EIF4G3: variants seen among roughly 807,000 people sequenced by gnomAD.
The protein encoded by EIF4G3 is eukaryotic translation initiation factor 4 gamma 3.
In EIF4G3, 34 loss-of-function variants were observed where a neutral mutation model predicts 186.4. That is an observed-to-expected ratio of 0.18 (90% CI 0.14 to 0.24). The LOEUF (loss-of-function observed/expected upper bound fraction) is 0.24. EIF4G3 is among the 10% of genes least tolerant of loss of function. The pLI, the probability that EIF4G3 is intolerant of heterozygous loss-of-function variation, is 1.00. For synonymous variants in EIF4G3, 673 were observed against 679.5 expected, an observed-to-expected ratio of 0.99 and a Z score of 0.15; for missense variants, 1,536 against 1,948.5, an observed-to-expected ratio of 0.79 and a Z score of 3.99.
intron 14 of EIF4G3, among the ~76,000 whole-genome samples, chr1:20,924,397 G>A (rs1390305941): frequency 2.0e-5 from 3 of 152,126 alleles, no homozygotes; most frequent in Non-Finnish European, 4.4e-5. Flanking sequence ...AAATATTTCT[G>A]TTCTCCGCAT....
intron 2 of EIF4G3, among the ~76,000 whole-genome samples, chr1:21,161,206 T>C (rs1031927779): frequency 4.0e-5 from 6 of 148,946 alleles, no homozygotes; most frequent in African/African-American, 1.2e-4. Flanking sequence ...TGAGCGTTGG[T>C]TGAAAAACAA....
At chr1:20,960,006 G>T (rs888449471) in intron 12 of EIF4G3, among the ~76,000 whole-genome samples, 1 of 152,060 alleles carries the variant, frequency 6.6e-6, no homozygotes, top group South Asian at 2.1e-4. Flanking sequence ...GCTAAAAGTA[G>T]ATCTACCATT....
At chr1:21,092,095 T>G (rs2096224250) in intron 2 of EIF4G3, among the ~76,000 whole-genome samples, 1 of 152,178 alleles carries the variant, frequency 6.6e-6, no homozygotes, top group Admixed American at 6.5e-5. Context: ...TGCTTCCAGT[T>G]TTTGCCCATT....
chr1:21,068,139 G>A (rs1030399283), intron 3 of EIF4G3, among the ~76,000 whole-genome samples: 5 of 151,674 alleles, frequency 3.3e-5, no homozygotes, highest in African/African-American at 1.2e-4. Flanking sequence ...TTGGGAGGCC[G>A]AGGTGGGTGT....
At chr1:20,944,960 G>A (rs867804866) in intron 13 of EIF4G3, among the ~76,000 whole-genome samples, 3 of 152,086 alleles carry the variant, frequency 2.0e-5, no homozygotes, top group Non-Finnish European at 2.9e-5. Flanking sequence ...AGCTGTCATC[G>A]CACCACTGTA....
chr1:21,024,116 G>A (rs1450870739), intron 4 of EIF4G3, among the ~76,000 whole-genome samples: 1 of 151,394 alleles, frequency 6.6e-6, no homozygotes, highest in Admixed American at 6.6e-5. Context: ...CACCCCATCT[G>A]GGAAGTGAGG....
At chr1:20,892,848 T>C (rs2086574143) in intron 18 of EIF4G3, 2 of 674,882 alleles carry the variant, frequency 3.0e-6, no homozygotes, top group East Asian at 2.8e-5. Context: ...TCTGTATATA[T>C]ATTTTTTCAG....
chr1:21,070,559 T>C lies in EIF4G3; in HGVS notation c.-196+18579A>G, dbSNP rs7514403. Among the ~76,000 whole-genome samples, 719 of 152,340 alleles carry C rather than the reference T, an allele frequency of 4.7e-3. 7 individuals are homozygous for C. Among genetic ancestry groups the C allele is most frequent in the African/African-American group, 0.017 (696 of 41,570 alleles). ...AATGTTTAAGTAGTACTTCATGGTG[T>C]AGATATAACTACATTCTTCTTAACT... On this transcript the variant is annotated intron_variant, in intron 3 of 36. Coordinates refer to ENST00000602326, the MANE Select transcript of EIF4G3 (RefSeq NM_001391906.1).
At chr1:20,876,333 T>C (rs1344599179) in intron 20 of EIF4G3, among the ~76,000 whole-genome samples, 1 of 149,882 alleles carries the variant, frequency 6.7e-6, no homozygotes, top group East Asian at 2.0e-4. Context: ...AGAGAGATGG[T>C]TGAACAAGTT....
intron 9 of EIF4G3, 103 bp downstream of exon 9, chr1:20,980,945 C>G (rs2077821585): frequency 9.3e-6 from 9 of 970,136 alleles, no homozygotes; most frequent in Non-Finnish European, 1.3e-5. Context: ...TCACACGTCA[C>G]CGAAAACTAA....
intron 20 of EIF4G3, among the ~76,000 whole-genome samples, chr1:20,868,001 C>T (rs994706191): frequency 2.0e-5 from 3 of 151,164 alleles, no homozygotes; most frequent in African/African-American, 7.3e-5. Flanking sequence ...GATCTTAATA[C>T]CCTCTGGGGA....
chr1:20,987,945 T>G (rs1296714600), intron 7 of EIF4G3, among the ~76,000 whole-genome samples: 1 of 152,226 alleles, frequency 6.6e-6, no homozygotes, highest in African/African-American at 2.4e-5. Context: ...GGAGGAAATT[T>G]AAAGTGCTAC....
intron 2 of EIF4G3, chr1:21,175,124 A>G (rs141546503): frequency 3.3e-5 from 5 of 152,328 alleles, no homozygotes; most frequent in African/African-American, 1.2e-4. Flanking sequence ...TCTAACATCC[A>G]ATCATTATTT....
intron 3 of EIF4G3, among the ~76,000 whole-genome samples, chr1:21,075,637 A>G (rs1572138379): frequency 6.6e-6 from 1 of 150,908 alleles, no homozygotes; most frequent in East Asian, 1.9e-4. Flanking sequence ...AGAGACAAAA[A>G]AAGTTACTCA....
chr1:21,124,225 C>T (rs530471385), intron 2 of EIF4G3, among the ~76,000 whole-genome samples: 3 of 151,494 alleles, frequency 2.0e-5, no homozygotes, highest in East Asian at 1.9e-4. Context: ...GAGGCGGAGG[C>T]AGTAAGCCAA....
chr1:20,879,538 A>C lies in EIF4G3; in HGVS notation c.2425-18T>G. On this transcript the variant is annotated intron_variant, in intron 19 of 36. Transcript: ENST00000602326. ...AAAAGCTCCTAGAAGGGCCACAAAA[A>C]AGAAAAAAGCATTAGAGTAACTGTG... 7.3e-7 allele frequency: 1 copy of C among 1,376,186 alleles called. No homozygotes were observed. The highest frequency in any genetic ancestry group is 2.6e-5 in the East Asian group (1 of 37,874). 85.2% of individuals were successfully genotyped at this position (1,376,186 alleles called of 1,614,324 possible).
At chr1:20,969,630 T>C in intron 11 of EIF4G3, 34 bp from the exon 12 acceptor site, 1 of 1,603,672 alleles carries the variant, frequency 6.2e-7, no homozygotes, top group Non-Finnish European at 8.5e-7. Context: ...TATGTACAGA[T>C]GAGTGTCTGT....
At position 20,942,085 on chromosome 1, in the gene EIF4G3, A is replaced by G. The variant is rs143724267; in HGVS notation, c.1069T>C (p.Cys357Arg). 1 of 1,614,200 alleles carries G rather than the reference A, an allele frequency of 6.2e-7. No homozygotes were observed. Among genetic ancestry groups the G allele is most frequent in the Non-Finnish European group, 8.5e-7 (1 of 1,180,026 alleles). ...PIFTTAIDDR[C>R]ELSSPREDTI... ...TCTTCTCTTGGGGATGAGAGTTCACATCTGTCATCTATAGCAGTGGTGAAT... is the reference window on the plus strand; with the variant it reads ...TCTTCTCTTGGGGATGAGAGTTCACGTCTGTCATCTATAGCAGTGGTGAAT... The change falls in exon 14 of 37, where the codon TGT becomes CGT. Residue 357 changes from cysteine to arginine, a missense_variant. By Grantham distance (180) the Cys-to-Arg change is radical. This residue lies in a region of EIF4G3 where 560 missense variants were observed against 547.8 expected (regional missense o/e 1.02). Transcript: ENST00000602326.
chr1:20,967,083 A>G (rs1337093593), intron 12 of EIF4G3, among the ~76,000 whole-genome samples: 1 of 152,182 alleles, frequency 6.6e-6, no homozygotes, highest in South Asian at 2.1e-4. Context: ...TCATATTCAG[A>G]ACCACAGTCT....
Sources: gnomAD v4.1 joint callset for allele counts (sites outside exome capture counted in the v4.1 genomes callset) on GRCh38, gnomAD v4.1.1 for gene constraint, gnomAD v4.1.1 regional missense constraint, MANE v1.5 for transcripts, NCBI Gene and HGNC (gene_info 2026-07-23, HGNC 2026-07-21) for gene names.